TMPRSS11A: variants seen among roughly 807,000 people sequenced by gnomAD.
TMPRSS11A encodes the protein transmembrane protease serine 11A.
A neutral mutation model predicts 58.9 loss-of-function variants in TMPRSS11A; 53 were observed. That is an observed-to-expected ratio of 0.90 (90% CI 0.72 to 1.13). The LOEUF is 1.13. Ranked by LOEUF, TMPRSS11A falls within the 50% of genes most tolerant of loss-of-function variation. TMPRSS11A has a pLI of 0.00. For missense variants in TMPRSS11A, 493 were observed against 499.3 expected, an observed-to-expected ratio of 0.99 and a Z score of 0.12; for synonymous variants, 167 against 169.8, an observed-to-expected ratio of 0.98 and a Z score of 0.13.
intron 3 of TMPRSS11A, among the ~76,000 whole-genome samples, chr4:67,941,384 A>G (rs1252548079): frequency 6.6e-6 from 1 of 152,204 alleles, no homozygotes; most frequent in Non-Finnish European, 1.5e-5. Context: ...ATTTAAACAA[A>G]GGTAAAATAA....
intron 4 of TMPRSS11A, among the ~76,000 whole-genome samples, chr4:67,930,642 A>G (rs986974476): frequency 5.3e-5 from 8 of 152,102 alleles, no homozygotes; most frequent in Admixed American, 3.3e-4. Flanking sequence ...TCCAAATTAA[A>G]CATGCCCAAT....
intron 1 of TMPRSS11A, among the ~76,000 whole-genome samples, chr4:67,949,939 T>A (rs1361324713): frequency 6.6e-6 from 1 of 152,216 alleles, no homozygotes; most frequent in African/African-American, 2.4e-5. Context: ...GAAAAAGAAA[T>A]ACACTTGGTA....
At chr4:67,924,915 C>G (rs546086920) in intron 5 of TMPRSS11A, among the ~76,000 whole-genome samples, 1 of 152,010 alleles carries the variant, frequency 6.6e-6, no homozygotes. Flanking sequence ...TCAAACTCAG[C>G]CTCAGCCAGA....
chr4:67,917,911 T>G (rs1720203102), intron 8 of TMPRSS11A, among the ~76,000 whole-genome samples: 1 of 152,150 alleles, frequency 6.6e-6, no homozygotes, highest in African/African-American at 2.4e-5. Context: ...TAATAAACCA[T>G]AGGTAATATT....
At position 67,961,482 on chromosome 4, in the gene TMPRSS11A, C is replaced by CTTTTTTTT. The variant is rs1721418705; in HGVS notation, c.11+1900_11+1901insAAAAAAAA. On this transcript the variant is annotated intron_variant, in intron 1 of 9. Transcript: ENST00000508048. ...CTTTTCTTTCCTTTCCTTTTCTTTT[C>CTTTTTTTT]CTTTTTTTTTTTTTTTTTTTTTTTT... 2.2e-4 allele frequency among the ~76,000 whole-genome samples: 23 copies of CTTTTTTTT among 102,454 alleles called. 9 individuals are homozygous for CTTTTTTTT. Among genetic ancestry groups the CTTTTTTTT allele is most frequent in the African/African-American group, 9.1e-4 (19 of 20,958 alleles). The allele number at this position is 102,454 out of a possible 152,430, so 67.2% of individuals were successfully genotyped here. A position where few individuals can be genotyped will look rare whatever the true frequency, so the allele number is the denominator to read the frequency against.
intron 1 of TMPRSS11A, among the ~76,000 whole-genome samples, chr4:67,958,707 G>A (rs78671363): frequency 0.012 from 1,867 of 152,254 alleles, 39 homozygotes; most frequent in African/African-American, 0.042. Flanking sequence ...GGCATGATTC[G>A]TTTTAAAATG....
Position 67,944,605 on chromosome 4 carries a change from T to G in TMPRSS11A, c.166A>C (p.Lys56Gln). ...TTATTGATTTGTGGATCTAAAATTT[T>G]AAAGGAGCCATGATAGTACTCCTTT... The part of the protein sequence containing the change: ...QKKEYYHGSF[K>Q]ILDPQINNNF... The change falls in exon 3 of 10, where the codon AAA (lysine) becomes CAA (glutamine). Residue 56 changes from lysine (K) to glutamine (Q), a missense_variant. Transcript: ENST00000508048. 1 of 1,612,822 alleles carries G rather than the reference T, an allele frequency of 6.2e-7. No individual in the cohort carries two copies.
At chr4:67,916,719 C>G (rs1720159419) in intron 8 of TMPRSS11A, among the ~76,000 whole-genome samples, 1 of 151,904 alleles carries the variant, frequency 6.6e-6, no homozygotes, top group Admixed American at 6.6e-5. Context: ...CCCAGCTACT[C>G]GGGAGGCTGA....
chr4:67,952,134 A>AT (rs1721177782), intron 1 of TMPRSS11A, among the ~76,000 whole-genome samples: 1 of 152,146 alleles, frequency 6.6e-6, no homozygotes, highest in Admixed American at 6.5e-5. Context: ...TTGTTGATAT[A>AT]TTTTCCCATT....
chr4:67,927,421 C>A (rs1720502443), intron 5 of TMPRSS11A, among the ~76,000 whole-genome samples: 1 of 152,196 alleles, frequency 6.6e-6, no homozygotes, highest in Admixed American at 6.5e-5. Context: ...CACAGCCTCA[C>A]AGAGAGACAG....
intron 5 of TMPRSS11A, among the ~76,000 whole-genome samples, chr4:67,926,589 C>T (rs765992349): frequency 1.3e-5 from 2 of 152,214 alleles, no homozygotes; most frequent in Non-Finnish European, 2.9e-5. Context: ...GCAGGACCTG[C>T]TCCCAGGCCT....
At chr4:67,952,093 T>G (rs758711169) in intron 1 of TMPRSS11A, among the ~76,000 whole-genome samples, 2 of 152,222 alleles carry the variant, frequency 1.3e-5, no homozygotes, top group Non-Finnish European at 2.9e-5. Flanking sequence ...AATATAGAAC[T>G]GCTATTTAGG....
chr4:67,920,069 A>G (rs1219994357), intron 7 of TMPRSS11A, among the ~76,000 whole-genome samples: 2 of 152,192 alleles, frequency 1.3e-5, no homozygotes, highest in African/African-American at 2.4e-5. Flanking sequence ...GGTAAAGTCT[A>G]TTAGATGACT....
At chr4:67,913,302 T>C (rs150262543) in intron 9 of TMPRSS11A, among the ~76,000 whole-genome samples, 276 of 152,312 alleles carry the variant, frequency 1.8e-3, no homozygotes, top group African/African-American at 6.1e-3. Flanking sequence ...GAAAGACTTA[T>C]GGAGAAAGAC....
chr4:67,961,160 A>T (rs992724070), intron 1 of TMPRSS11A, among the ~76,000 whole-genome samples: 1 of 152,224 alleles, frequency 6.6e-6, no homozygotes, highest in Non-Finnish European at 1.5e-5. Context: ...CAGAAAGAGC[A>T]AGGATACAAA....
intron 2 of TMPRSS11A, among the ~76,000 whole-genome samples, chr4:67,945,864 T>C (rs1720990952): frequency 6.6e-6 from 1 of 152,238 alleles, no homozygotes; most frequent in Non-Finnish European, 1.5e-5. Flanking sequence ...ATTACAAATA[T>C]ATTAGTTGAT....
chr4:67,921,766 G>T (rs1191777372), intron 7 of TMPRSS11A, among the ~76,000 whole-genome samples: 1 of 152,008 alleles, frequency 6.6e-6, no homozygotes. Context: ...ATACACTAAG[G>T]TTCAATAATT....
intron 1 of TMPRSS11A, among the ~76,000 whole-genome samples, chr4:67,955,374 G>A (rs149243930): frequency 1.1e-4 from 16 of 152,218 alleles, no homozygotes; most frequent in East Asian, 1.9e-4. Context: ...GTGTGTGTAC[G>A]CACACTTAGC....
chr4:67,950,529 T>A (rs1721131091), intron 1 of TMPRSS11A, among the ~76,000 whole-genome samples: 1 of 152,180 alleles, frequency 6.6e-6, no homozygotes, highest in Admixed American at 6.5e-5. Flanking sequence ...CTTTATTACA[T>A]CTGCAAAATT....
Sources: allele counts gnomAD v4.1 joint callset (sites outside exome capture counted in the v4.1 genomes callset), GRCh38; gene constraint gnomAD v4.1.1; transcripts MANE v1.5; gene names NCBI Gene and HGNC (gene_info 2026-07-23, HGNC 2026-07-21).